Variants in RBFOX1 observed in about 807,000 individuals in gnomAD.
RBFOX1 encodes RNA binding protein fox-1 homolog 1.
RBFOX1 carries 8 observed loss-of-function variants against 57.7 expected under a neutral mutation model. The ratio of observed to expected loss-of-function variants is 0.14; its 90% CI spans 0.08 to 0.25. The LOEUF (loss-of-function observed/expected upper bound fraction) is 0.25, where lower values mean the gene tolerates loss of function less well. Ranked by LOEUF, RBFOX1 falls within the 10% of genes least tolerant of loss-of-function variation. The probability of loss-of-function intolerance (pLI) is 1.00; values close to 1 mark genes in which losing one functional copy is unlikely to be tolerated. For synonymous variants in RBFOX1, 326 were observed against 222.4 expected, an observed-to-expected ratio of 1.47 and a Z score of -4.15; for missense variants, 611 against 548.5, an observed-to-expected ratio of 1.11 and a Z score of -1.14.
chr16:5,644,376 C>T (rs143480417), intron 3 of RBFOX1, among the ~76,000 whole-genome samples: 3 of 152,232 alleles, frequency 2.0e-5, no homozygotes, highest in Non-Finnish European at 4.4e-5. Context: ...TGATTTTGGC[C>T]ATTGTGCAAA....
chr16:7,203,006 T>G (rs1488404337), intron 4 of RBFOX1, among the ~76,000 whole-genome samples: 1 of 152,188 alleles, frequency 6.6e-6, no homozygotes, highest in African/African-American at 2.4e-5. Context: ...CAGGATGGTC[T>G]GGATCTCCTG....
chr16:6,290,940 G>C (rs2077405792), intron 1 of RBFOX1, among the ~76,000 whole-genome samples: 1 of 152,140 alleles, frequency 6.6e-6, no homozygotes, highest in Non-Finnish European at 1.5e-5. Flanking sequence ...ACTCCATAGA[G>C]AGAGCATCCC....
rs1221333561 is a variant in RBFOX1 at position 6,744,279 on chromosome 16, T to A, written c.-16+89629T>A. 5.9e-5 allele frequency among the ~76,000 whole-genome samples: 9 copies of A among 152,256 alleles called. No individual in the cohort carries two copies. The South Asian group carries it at 1.9e-3, about 32-fold the overall frequency. Reference sequence around the variant, plus strand: ...AAATATTTCAGTGCTAGTCTCTCAATAACTGACAGAATAAATAGCTAGAAA... The same window carrying A: ...AAATATTTCAGTGCTAGTCTCTCAAAAACTGACAGAATAAATAGCTAGAAA... On this transcript the variant is annotated intron_variant, in intron 3 of 15. Coordinates refer to ENST00000550418, the MANE Select transcript of RBFOX1 (RefSeq NM_018723.4).
At chr16:6,982,688 C>T (rs1473896598) in intron 3 of RBFOX1, among the ~76,000 whole-genome samples, 1 of 152,090 alleles carries the variant, frequency 6.6e-6, no homozygotes, top group Non-Finnish European at 1.5e-5. Context: ...TTACTGTTAT[C>T]TCATTTTGAA....
chr16:6,249,161 C>T (rs752087868), intron 1 of RBFOX1, among the ~76,000 whole-genome samples: 4 of 152,128 alleles, frequency 2.6e-5, no homozygotes, highest in Non-Finnish European at 5.9e-5. Context: ...GAGAAGGTAG[C>T]ATATGGGCAA....
chr16:7,520,146 A>C (rs1030788376), intron 5 of RBFOX1, among the ~76,000 whole-genome samples: 1 of 152,092 alleles, frequency 6.6e-6, no homozygotes, highest in African/African-American at 2.4e-5. Flanking sequence ...CGGCCTCCCA[A>C]AGTGCTGGGA....
At chr16:7,668,657 A>G (rs1243443052) in intron 13 of RBFOX1, among the ~76,000 whole-genome samples, 1 of 126,862 alleles carries the variant, frequency 7.9e-6, no homozygotes, top group Non-Finnish European at 1.8e-5. Flanking sequence ...TGAGAACAGA[A>G]CAGAACACAC....
At chr16:6,509,996 A>G (rs1377450206) in intron 2 of RBFOX1, among the ~76,000 whole-genome samples, 2 of 152,152 alleles carry the variant, frequency 1.3e-5, no homozygotes, top group African/African-American at 4.8e-5. Flanking sequence ...ACAATTGGCC[A>G]CATGCGATTC....
chr16:7,248,813 G>A lies in RBFOX1; in HGVS notation c.27+196715G>A, dbSNP rs182491439. ...AGGGAAAATGCTATTTATAACAGTTGCCTTTTTGAGTAATCATTTAGCTGT... is the reference window on the plus strand; with the variant it reads ...AGGGAAAATGCTATTTATAACAGTTACCTTTTTGAGTAATCATTTAGCTGT... On this transcript the variant is annotated intron_variant, in intron 4 of 15. Coordinates refer to ENST00000550418, the MANE Select transcript of RBFOX1 (RefSeq NM_018723.4). Among the ~76,000 whole-genome samples the A allele has an allele frequency of 2.2e-4, 33 of 152,244 alleles. No individual in the cohort carries two copies. In the East Asian group the frequency reaches 5.2e-3, roughly 24 times the overall value.
intron 7 of RBFOX1, among the ~76,000 whole-genome samples, chr16:7,594,122 CCCAGCCCCCCA>C (rs1385730766): frequency 3.9e-5 from 6 of 151,992 alleles, no homozygotes; most frequent in Non-Finnish European, 7.4e-5. Flanking sequence ...CTATCCCTCC[CCCAGCCCCCCA>C]CCCCGTGACA....
In RBFOX1 at chr16:7,325,780, A is replaced by C. The variant is rs532424308; in HGVS notation, c.28-192367A>C. ...GGTGTCACATTGACAACCCTTTTGT[A>C]GCCATCCTCTCCTTCACTGGGAATT... On this transcript the variant is annotated intron_variant, in intron 4 of 15. Transcript: ENST00000550418. Among the ~76,000 whole-genome samples, 7 of 152,280 alleles carry C rather than the reference A, an allele frequency of 4.6e-5. No homozygotes were observed. In the South Asian group the frequency reaches 1.2e-3, roughly 27 times the overall value.
chr16:6,902,996 C>G (rs1159823267), intron 3 of RBFOX1, among the ~76,000 whole-genome samples: 2 of 152,138 alleles, frequency 1.3e-5, no homozygotes, highest in Non-Finnish European at 2.9e-5. Context: ...ACATCAGTCA[C>G]CATGATTGAT....
In RBFOX1 at chr16:6,074,010, G is replaced by A. The variant is rs1280222097; in HGVS notation, c.-127+54018G>A. On this transcript the variant is annotated intron_variant, in intron 1 of 15. Transcript: ENST00000550418. ...GTCGCCCAGAGTGGAGTGCAGGGGT[G>A]CAATCTCAGCTCACTGCAAGCTCCA... Among the ~76,000 whole-genome samples the A allele has an allele frequency of 5.3e-5, 8 of 152,078 alleles. No homozygotes were observed. The East Asian group carries it at 1.2e-3, about 22-fold the overall frequency.
intron 4 of RBFOX1, among the ~76,000 whole-genome samples, chr16:7,469,788 C>A (rs778158415): frequency 2.6e-5 from 4 of 152,130 alleles, no homozygotes; most frequent in African/African-American, 9.7e-5. Context: ...ATCTCCAGAA[C>A]TTTTTCATCT....
At chr16:6,533,572 C>G (rs1013190091) in intron 2 of RBFOX1, among the ~76,000 whole-genome samples, 3 of 152,012 alleles carry the variant, frequency 2.0e-5, no homozygotes, top group African/African-American at 7.2e-5. Context: ...TGGTAACATA[C>G]AGAGTCAAGT....
intron 4 of RBFOX1, among the ~76,000 whole-genome samples, chr16:7,454,148 G>C (rs369904937): frequency 6.6e-6 from 1 of 152,186 alleles, no homozygotes. Context: ...CAGGAGAATC[G>C]CTTGAACTCA....
At chr16:5,877,229 G>C (rs973524111) in intron 4 of RBFOX1, among the ~76,000 whole-genome samples, 1 of 152,214 alleles carries the variant, frequency 6.6e-6, no homozygotes, top group Non-Finnish European at 1.5e-5. Context: ...CTTTGGAGGG[G>C]TCACGCATTT....
At chr16:5,437,636 C>T (rs993051307) in intron 1 of RBFOX1, among the ~76,000 whole-genome samples, 66 of 152,076 alleles carry the variant, frequency 4.3e-4, no homozygotes, top group Admixed American at 6.6e-5. Context: ...AAGATATTAA[C>T]CAAAATTAAG....
At chr16:6,149,404 A>G (rs1024224138) in intron 1 of RBFOX1, among the ~76,000 whole-genome samples, 4 of 152,250 alleles carry the variant, frequency 2.6e-5, no homozygotes, top group African/African-American at 9.6e-5. Context: ...TTGCAGACGC[A>G]CAGGTTTCTG....
Sources: gnomAD v4.1 joint callset for allele counts (sites outside exome capture counted in the v4.1 genomes callset) on GRCh38, gnomAD v4.1.1 for gene constraint, MANE v1.5 for transcripts, NCBI Gene and HGNC (gene_info 2026-07-23, HGNC 2026-07-21) for gene names.